PRKN: variants seen among roughly 807,000 people sequenced by gnomAD.
PRKN encodes the protein parkin RBR E3 ubiquitin protein ligase.
PRKN carries 56 observed loss-of-function variants against 59.5 expected under a neutral mutation model. The observed-to-expected ratio is 0.94, with a 90% CI of 0.76 to 1.18. The LOEUF is 1.18. PRKN is among the 50% of genes most tolerant of loss of function. The probability of loss-of-function intolerance (pLI) is 0.00; values close to 1 mark genes in which losing one functional copy is unlikely to be tolerated. For missense variants in PRKN, 657 were observed against 596.4 expected, an observed-to-expected ratio of 1.10 and a Z score of -1.06; for synonymous variants, 250 against 222.1, an observed-to-expected ratio of 1.13 and a Z score of -1.12.
At chr6:162,055,419 T>G (rs572475013) in intron 4 of PRKN, among the ~76,000 whole-genome samples, 2 of 152,036 alleles carry the variant, frequency 1.3e-5, no homozygotes, top group South Asian at 2.1e-4. Flanking sequence ...GAGATGCAAG[T>G]TGGAAAGTTG....
At chr6:162,090,121 C>CT (rs1223823420) in intron 4 of PRKN, among the ~76,000 whole-genome samples, 1 of 151,938 alleles carries the variant, frequency 6.6e-6, no homozygotes, top group Non-Finnish European at 1.5e-5. Context: ...CCTAAAAGTG[C>CT]TGAGGAACCA....
Position 161,473,420 on chromosome 6 carries a change from T to A in PRKN, c.1083+75434A>T, listed in dbSNP as rs1374251644. ...AGCCTTAAAAAGGAGATTCTACTAT[T>A]TTTGGCAACATGTATTAACCTGGAG... On this transcript the variant is annotated intron_variant, in intron 9 of 11. Transcript: ENST00000366898. This position sits in a 1 kb window ranked among gnomAD's most constrained non-coding sequence, Gnocchi z 4.1. Among the ~76,000 whole-genome samples, 1 of 151,494 alleles carries A rather than the reference T, an allele frequency of 6.6e-6. No homozygotes were observed. Among genetic ancestry groups the A allele is most frequent in the East Asian group, 1.9e-4 (1 of 5,180 alleles).
Position 162,412,835 on chromosome 6 carries a change from C to T in PRKN, c.171+30475G>A, listed in dbSNP as rs1196599127. 2.0e-5 allele frequency among the ~76,000 whole-genome samples: 3 copies of T among 152,080 alleles called. No homozygotes were observed. The East Asian group carries it at 5.8e-4, about 29-fold the overall frequency. ...AATACAAGTATCCATATTTGGATTA[C>T]TTTTGTATAGATGGGATATACAAAG... On this transcript the variant is annotated intron_variant, in intron 2 of 11. Coordinates refer to ENST00000366898, the MANE Select transcript of PRKN (RefSeq NM_004562.3).
chr6:161,619,162 G>C (rs1782799413), intron 7 of PRKN, among the ~76,000 whole-genome samples: 1 of 150,680 alleles, frequency 6.6e-6, no homozygotes. Context: ...AGATTGCCTG[G>C]TTTCACAGAC....
rs1792626775 is a variant in PRKN, at chr6:162,488,026, CCTTT to C, written c.8-44557_8-44554del. Among the ~76,000 whole-genome samples the C allele has an allele frequency of 2.4e-5, 3 of 123,598 alleles. No homozygotes were observed. In the South Asian group the frequency reaches 8.1e-4, roughly 33 times the overall value. The allele number at this position is 123,598 out of a possible 152,430, so 81.1% of individuals were successfully genotyped here. On this transcript the variant is annotated intron_variant, in intron 1 of 11. Transcript: ENST00000366898. ...GAACAGACACTACATCCACCATTTC[CCTTT>C]TTTTTTTTTTTTTTTTTTTTTTGGC...
At chr6:161,565,570 C>G (rs990512717) in intron 8 of PRKN, among the ~76,000 whole-genome samples, 1 of 152,138 alleles carries the variant, frequency 6.6e-6, no homozygotes, top group Non-Finnish European at 1.5e-5. Flanking sequence ...CCTGCTTGCA[C>G]TTTTCTCTCC....
At chr6:162,590,617 A>G (rs1037689921) in intron 1 of PRKN, among the ~76,000 whole-genome samples, 3 of 151,306 alleles carry the variant, frequency 2.0e-5, no homozygotes, top group Middle Eastern at 6.8e-3. Context: ...TAAAGCCCAC[A>G]TCACACATAG....
At chr6:162,358,155 TG>T (rs1318325405) in intron 2 of PRKN, among the ~76,000 whole-genome samples, 1 of 152,192 alleles carries the variant, frequency 6.6e-6, no homozygotes, top group Non-Finnish European at 1.5e-5. Context: ...GGAAAGTGTA[TG>T]TGTGTGTTGG....
At chr6:162,250,196 C>T (rs7770467) in intron 3 of PRKN, among the ~76,000 whole-genome samples, 2 of 91,892 alleles carry the variant, frequency 2.2e-5, no homozygotes, top group African/African-American at 1.3e-4. Context: ...AGGGGGGGGG[C>T]AGGGAATGGA....
At chr6:161,850,884 A>G (rs1227867781) in intron 6 of PRKN, among the ~76,000 whole-genome samples, 1 of 152,208 alleles carries the variant, frequency 6.6e-6, no homozygotes, top group Non-Finnish European at 1.5e-5. Context: ...CAATGCTATA[A>G]CCACTTGCCT....
chr6:162,237,561 A>G (rs1312458593), intron 3 of PRKN, among the ~76,000 whole-genome samples: 1 of 152,172 alleles, frequency 6.6e-6, no homozygotes, highest in Admixed American at 6.5e-5. Context: ...ATGGCTAGAA[A>G]TAAGTTTGTT....
At chr6:162,081,207 A>G in intron 4 of PRKN, among the ~76,000 whole-genome samples, 1 of 152,046 alleles carries the variant, frequency 6.6e-6, no homozygotes. Flanking sequence ...TCCACTCATG[A>G]ATCATGAAGT....
At chr6:161,667,035 C>A (rs942148191) in intron 7 of PRKN, among the ~76,000 whole-genome samples, 4 of 152,188 alleles carry the variant, frequency 2.6e-5, no homozygotes, top group African/African-American at 7.2e-5. Flanking sequence ...GCCTGTTAGG[C>A]CAGTGTCTGT....
chr6:162,702,713 G>T (rs1003547523), intron 1 of PRKN, among the ~76,000 whole-genome samples: 1 of 152,154 alleles, frequency 6.6e-6, no homozygotes, highest in Non-Finnish European at 1.5e-5. Flanking sequence ...ACAGCAGGCT[G>T]TCTACCTTAT....
intron 2 of PRKN, among the ~76,000 whole-genome samples, chr6:162,339,186 A>G (rs1206032435): frequency 5.9e-4 from 61 of 102,998 alleles, no homozygotes; most frequent in East Asian, 1.3e-3. Context: ...CAGCCACCCC[A>G]TCTGGGAAGT....
At chr6:162,084,483 T>C (rs751729826) in intron 4 of PRKN, among the ~76,000 whole-genome samples, 7 of 152,214 alleles carry the variant, frequency 4.6e-5, no homozygotes, top group African/African-American at 1.7e-4. Context: ...TTCTGAGGAA[T>C]TGTAGTTTTG....
intron 6 of PRKN, among the ~76,000 whole-genome samples, chr6:161,825,297 A>C (rs529611636): frequency 1.1e-4 from 16 of 152,140 alleles, no homozygotes; most frequent in Non-Finnish European, 1.9e-4. Context: ...AAAATTTATA[A>C]TCTGTTGTAA....
At chr6:162,709,256 G>C (rs1239956516) in intron 1 of PRKN, among the ~76,000 whole-genome samples, 1 of 152,020 alleles carries the variant, frequency 6.6e-6, no homozygotes, top group Admixed American at 6.6e-5. Flanking sequence ...AATTACACTT[G>C]AAACCACCCT....
chr6:161,678,216 C>CTTTTTTTTTTTTTTTTTTTTTT lies in PRKN; in HGVS notation c.871+107534_871+107555dup, dbSNP rs3066554. On this transcript the variant is annotated intron_variant, in intron 7 of 11. Coordinates refer to ENST00000366898, the MANE Select transcript of PRKN (RefSeq NM_004562.3). ...TTATGGTAATAACAATACTGAATCA[C>CTTTTTTTTTTTTTTTTTTTTTT]TTTTTTTTTTTTTTTTTTTTTTTTT... Among the ~76,000 whole-genome samples, 2 of 64,940 alleles carry CTTTTTTTTTTTTTTTTTTTTTT rather than the reference C, an allele frequency of 3.1e-5. 1 individual carries two copies. The allele number at this position is 64,940 out of a possible 152,430, so 42.6% of individuals were successfully genotyped here.
Sources: allele counts gnomAD v4.1 joint callset (sites outside exome capture counted in the v4.1 genomes callset), GRCh38; gene constraint gnomAD v4.1.1; non-coding constraint Gnocchi (gnomAD v3.1); transcripts MANE v1.5; gene names NCBI Gene and HGNC (gene_info 2026-07-23, HGNC 2026-07-21).